CFAP206: variants seen among roughly 807,000 people sequenced by gnomAD.
CFAP206 encodes cilia- and flagella-associated protein 206.
A neutral mutation model predicts 65.4 loss-of-function variants in CFAP206; 53 were observed. The ratio of observed to expected loss-of-function variants is 0.81; its 90% CI spans 0.65 to 1.02. The LOEUF (loss-of-function observed/expected upper bound fraction) is 1.02, where lower values mean the gene tolerates loss of function less well. Among genes scored for constraint, CFAP206 ranks in the 50% least tolerant of loss-of-function variants. The probability of loss-of-function intolerance (pLI) is 0.00; values close to 1 mark genes in which losing one functional copy is unlikely to be tolerated. For missense variants in CFAP206, 663 were observed against 753.2 expected, an observed-to-expected ratio of 0.88 and a Z score of 1.40; for synonymous variants, 250 against 254.4, an observed-to-expected ratio of 0.98 and a Z score of 0.17.
rs1237606656 is a variant in CFAP206, at chr6:87,464,050, G to A, written c.1669G>A (p.Val557Ile). The A allele has an allele frequency of 2.5e-6, 4 of 1,613,684 alleles. No homozygotes were observed. Among genetic ancestry groups the A allele is most frequent in the East Asian group, 2.2e-5 (1 of 44,892 alleles). The change falls in exon 13 of 13, where the codon GTA (valine) becomes ATA (isoleucine). Residue 557 changes from valine to isoleucine, a missense_variant. Transcript: ENST00000369562. ...TTTGCGCCAGAAAGTTACTCACTCA[G>A]TACAAACTGATCTTAGTCACTTGAG... The part of the protein sequence containing the change: ...ANLRQKVTHS[V>I]QTDLSHLRRE...
intron 3 of CFAP206, among the ~76,000 whole-genome samples, chr6:87,412,983 TGAG>T (rs1767763985): frequency 6.6e-6 from 1 of 152,144 alleles, no homozygotes; most frequent in Non-Finnish European, 1.5e-5. Context: ...TAAAATAAAA[TGAG>T]GAGTGTTGTT....
At position 87,409,829 on chromosome 6, in the gene CFAP206, A is replaced by G. The variant is rs777296517; in HGVS notation, c.-5-6A>G. On this transcript the variant is annotated splice_polypyrimidine_tract_variant and splice_region_variant and intron_variant, in intron 1 of 12. Transcript: ENST00000369562. The stretch of plus-strand genomic sequence containing the variant: ...TTTTTTTAAAAAAAATTGTTGTTTT[A>G]TTTAGCCAGAATGCCTCCAACTCAG... The G allele has an allele frequency of 6.3e-7, 1 of 1,583,426 alleles. No individual in the cohort carries two copies. Among genetic ancestry groups the G allele is most frequent in the African/African-American group, 1.4e-5 (1 of 73,426 alleles).
Position 87,410,561 on chromosome 6 carries a change from G to A in CFAP206, c.109-24G>A, listed in dbSNP as rs745765047. 5 of 1,546,070 alleles carry A rather than the reference G, an allele frequency of 3.2e-6. No homozygotes were observed. The South Asian group carries it at 5.6e-5, about 17-fold the overall frequency. On this transcript the variant is annotated intron_variant, in intron 2 of 12. Transcript: ENST00000369562. ...CTTAATGGATTCTTTCCTAGTTAAT[G>A]GACTCGTTCCTACTTTTTTCTAGGT...
chr6:87,462,205 C>A (rs1768760793), intron 12 of CFAP206, among the ~76,000 whole-genome samples: 2 of 152,156 alleles, frequency 1.3e-5, no homozygotes, highest in Non-Finnish European at 2.9e-5. Context: ...CATATATGGT[C>A]TAGCCTTTGT....
chr6:87,453,311 C>T (rs1476654517), intron 11 of CFAP206, among the ~76,000 whole-genome samples: 2 of 152,024 alleles, frequency 1.3e-5, no homozygotes, highest in African/African-American at 2.4e-5. Context: ...CATCACCAGA[C>T]CTGTTCTGCA....
At chr6:87,411,558 G>A (rs1767735901) in intron 3 of CFAP206, among the ~76,000 whole-genome samples, 1 of 152,134 alleles carries the variant, frequency 6.6e-6, no homozygotes. Flanking sequence ...GTCTATTTCT[G>A]TTGCATTTAC....
intron 11 of CFAP206, among the ~76,000 whole-genome samples, chr6:87,445,852 C>T (rs1434045593): frequency 6.6e-6 from 1 of 152,184 alleles, no homozygotes; most frequent in Non-Finnish European, 1.5e-5. Flanking sequence ...TTCTTCACAG[C>T]CTCACCAGCA....
chr6:87,418,376 A>C lies in CFAP206; in HGVS notation c.800A>C (p.Tyr267Ser). ...CCATATATGTTAAAAGAAGCGCTATATAATATACGACAATATGAGGTCTTC... is the reference window on the plus strand; with the variant it reads ...CCATATATGTTAAAAGAAGCGCTATCTAATATACGACAATATGAGGTCTTC... The part of the protein sequence containing the change: ...LQPYMLKEAL[Y>S]NIRQYEVFLQ... Residue 267 changes from tyrosine (Y) to serine (S), a missense_variant, in exon 7 of 13, where the codon TAT becomes TCT. Transcript: ENST00000369562. 6.2e-7 allele frequency: 1 copy of C among 1,614,204 alleles called. No individual in the cohort carries two copies. Among genetic ancestry groups the C allele is most frequent in the Non-Finnish European group, 8.5e-7 (1 of 1,180,018 alleles).
chr6:87,451,311 T>G (rs1375335200), intron 11 of CFAP206, among the ~76,000 whole-genome samples: 4 of 152,088 alleles, frequency 2.6e-5, no homozygotes, highest in Non-Finnish European at 5.9e-5. Flanking sequence ...GACTTTGTCT[T>G]GCAATTTGGA....
chr6:87,434,814 A>G (rs778325205), intron 10 of CFAP206, 46 bp from the exon 11 acceptor site: 5 of 1,079,512 alleles, frequency 4.6e-6, no homozygotes, highest in Admixed American at 2.8e-5. Context: ...ACAATATTTC[A>G]TAAGTGATCA....
At chr6:87,446,852 G>A (rs1768449011) in intron 11 of CFAP206, among the ~76,000 whole-genome samples, 1 of 152,076 alleles carries the variant, frequency 6.6e-6, no homozygotes, top group Non-Finnish European at 1.5e-5. Flanking sequence ...ATTCGTTTGT[G>A]TCTTCTCTGA....
rs79964985 is a variant in CFAP206 at position 87,414,760 on chromosome 6, A to G, written c.283+860A>G. Among the ~76,000 whole-genome samples the G allele has an allele frequency of 5.1e-3, 771 of 152,320 alleles. 2 individuals are homozygous for G. Among genetic ancestry groups the G allele is most frequent in the African/African-American group, 0.018 (739 of 41,578 alleles). On this transcript the variant is annotated intron_variant, in intron 4 of 12. Transcript: ENST00000369562. ...CTACTGTATAGTACAATCATTATTAACAATTTGGTGATGTTTCTCTTTGTT... is the reference window on the plus strand; with the variant it reads ...CTACTGTATAGTACAATCATTATTAGCAATTTGGTGATGTTTCTCTTTGTT...
Position 87,416,840 on chromosome 6 carries a change from T to C in CFAP206, c.631+13T>C, listed in dbSNP as rs1035559361. 7 of 1,608,466 alleles carry C rather than the reference T, an allele frequency of 4.4e-6. No homozygotes were observed. In the African/African-American group the frequency reaches 9.4e-5, roughly 22 times the overall value. ...GGCATTGATGATTGTAGGTATATCA[T>C]TAGATTAATTCTAAAGGTTATGTAT... On this transcript the variant is annotated intron_variant, in intron 6 of 12. Coordinates refer to ENST00000369562, the MANE Select transcript of CFAP206 (RefSeq NM_001031743.3).
chr6:87,445,228 G>T, intron 11 of CFAP206: 1 of 273,252 alleles, frequency 3.7e-6, no homozygotes, highest in South Asian at 3.7e-5. Context: ...TTAAGTTCCA[G>T]GATACATGTG....
At position 87,435,040 on chromosome 6, in the gene CFAP206, T is replaced by C. The variant is rs1253671416; in HGVS notation, c.1481T>C (p.Ile494Thr). 1.9e-6 allele frequency: 3 copies of C among 1,592,606 alleles called. No individual in the cohort carries two copies. The highest frequency in any genetic ancestry group is 2.7e-5 in the African/African-American group (2 of 74,044). ...CTTCATCAACAGTTTGAAACATTTA[T>C]TCCATATTCTCAGGTAAGCAGGGTC... is the stretch of plus-strand genomic sequence containing the variant. ...LELHQQFETFIPYSQMRDADK... is the reference protein window; with the variant it reads ...LELHQQFETFTPYSQMRDADK... Residue 494 changes from isoleucine to threonine, a missense_variant, in exon 11 of 13, where the codon ATT becomes ACT. By Grantham distance (89) the Ile-to-Thr change is moderately conservative. Coordinates refer to ENST00000369562, the MANE Select transcript of CFAP206 (RefSeq NM_001031743.3).
intron 9 of CFAP206, among the ~76,000 whole-genome samples, chr6:87,429,590 T>A (rs1768123226): frequency 6.6e-6 from 1 of 152,186 alleles, no homozygotes; most frequent in Non-Finnish European, 1.5e-5. Context: ...GCATTGATTC[T>A]TACAGAAAAA....
At chr6:87,442,802 C>G (rs1475872110) in intron 11 of CFAP206, among the ~76,000 whole-genome samples, 1 of 152,100 alleles carries the variant, frequency 6.6e-6, no homozygotes, top group African/African-American at 2.4e-5. Flanking sequence ...ATTAAGCCAA[C>G]TTTGCATTCC....
At chr6:87,451,876 G>GAAAA (rs57932058) in intron 11 of CFAP206, among the ~76,000 whole-genome samples, 1 of 139,302 alleles carries the variant, frequency 7.2e-6, no homozygotes. Context: ...CATCTCAAAA[G>GAAAA]AAAAAAAAAA....
intron 11 of CFAP206, among the ~76,000 whole-genome samples, chr6:87,450,247 T>C (rs945890661): frequency 6.6e-6 from 1 of 152,192 alleles, no homozygotes; most frequent in Non-Finnish European, 1.5e-5. Context: ...AGTCAGGTAG[T>C]GTGATGCCTC....
Sources: gnomAD v4.1 joint callset for allele counts (sites outside exome capture counted in the v4.1 genomes callset) on GRCh38, gnomAD v4.1.1 for gene constraint, MANE v1.5 for transcripts, NCBI Gene and HGNC (gene_info 2026-07-23, HGNC 2026-07-21) for gene names.